ELF2: variants seen among roughly 807,000 people sequenced by gnomAD.
ELF2 encodes E74 like ETS transcription factor 2, also known as ETS-related transcription factor Elf-2.
ELF2 carries 11 observed loss-of-function variants against 54.8 expected under a neutral mutation model. The observed-to-expected ratio is 0.20, with a 90% CI of 0.13 to 0.33. The LOEUF is 0.33. Among genes scored for constraint, ELF2 ranks in the 10% least tolerant of loss-of-function variants. ELF2 has a pLI of 1.00. For missense variants in ELF2, 513 were observed against 703.0 expected (o/e 0.73, Z 3.06); for synonymous variants, 203 against 245.1 (o/e 0.83, Z 1.61).
At chr4:139,089,046 C>A (rs1484508708) in intron 4 of ELF2, among the ~76,000 whole-genome samples, 1 of 152,184 alleles carries the variant, frequency 6.6e-6, no homozygotes, top group Non-Finnish European at 1.5e-5. Flanking sequence ...CGTGAGCCGC[C>A]GTGCCTGGCC....
chr4:139,104,636 C>A (rs371103479), intron 4 of ELF2, among the ~76,000 whole-genome samples: 3 of 152,094 alleles, frequency 2.0e-5, no homozygotes, highest in African/African-American at 7.2e-5. Flanking sequence ...TGCAAACAGG[C>A]TGAGTTCTTA....
chr4:139,105,858 C>A (rs1734355176), intron 4 of ELF2, among the ~76,000 whole-genome samples: 1 of 152,184 alleles, frequency 6.6e-6, no homozygotes, highest in Non-Finnish European at 1.5e-5. Flanking sequence ...CACCACTGCA[C>A]TCCATCTTGG....
At chr4:139,132,873 T>TATATATAA (rs1235602219) in intron 3 of ELF2, among the ~76,000 whole-genome samples, 1 of 87,994 alleles carries the variant, frequency 1.1e-5, no homozygotes, top group African/African-American at 3.5e-5. Context: ...TATATATATA[T>TATATATAA]AAAATATGTA....
intron 1 of ELF2, among the ~76,000 whole-genome samples, chr4:139,147,032 C>T (rs1182373551): frequency 6.6e-6 from 1 of 152,038 alleles, no homozygotes; most frequent in Non-Finnish European, 1.5e-5. Context: ...TAAATGGGAC[C>T]TAATTAAACT....
At chr4:139,088,217 A>T (rs1386298114) in intron 4 of ELF2, among the ~76,000 whole-genome samples, 1 of 148,794 alleles carries the variant, frequency 6.7e-6, no homozygotes. Flanking sequence ...AACCCAGGAG[A>T]GGAAGGTTGC....
At chr4:139,084,468 C>CTG in intron 4 of ELF2, 1 of 1,064,920 alleles carries the variant, frequency 9.4e-7, no homozygotes, top group Non-Finnish European at 1.2e-6. Flanking sequence ...GCGGCTGTGG[C>CTG]TGTGGCGGCC....
At chr4:139,111,988 A>G (rs971273020) in intron 4 of ELF2, among the ~76,000 whole-genome samples, 6 of 152,168 alleles carry the variant, frequency 3.9e-5, no homozygotes, top group Admixed American at 3.9e-4. Context: ...TACTATTTTG[A>G]AAAAAACTAA....
chr4:139,121,264 A>T (rs989108409), intron 4 of ELF2, among the ~76,000 whole-genome samples: 4 of 150,388 alleles, frequency 2.7e-5, no homozygotes, highest in Admixed American at 2.0e-4. Flanking sequence ...GCCCGCTACC[A>T]CGCCCGGCTA....
chr4:139,139,655 T>C (rs1738513800), intron 1 of ELF2, among the ~76,000 whole-genome samples, 158 bp from the exon 2 acceptor site: 1 of 152,206 alleles, frequency 6.6e-6, no homozygotes, highest in African/African-American at 2.4e-5. Flanking sequence ...AAATTATTTC[T>C]AGGTTTTTGA....
chr4:139,161,922 A>G (rs1741209721), intron 1 of ELF2, among the ~76,000 whole-genome samples: 1 of 151,926 alleles, frequency 6.6e-6, no homozygotes, highest in Admixed American at 6.6e-5. Flanking sequence ...GTGAAACCCT[A>G]ACTCTACTAA....
At chr4:139,152,187 A>T (rs1740069162) in intron 1 of ELF2, among the ~76,000 whole-genome samples, 1 of 152,218 alleles carries the variant, frequency 6.6e-6, no homozygotes. Context: ...AAAATATAAG[A>T]GTGAATTTTA....
rs1560871603 is a variant in ELF2, at chr4:139,151,068, G to GAAAGAAAGAAAGAAAGAAAGAAAGA, written c.-251-11596_-251-11572dup. 1.2e-3 allele frequency among the ~76,000 whole-genome samples: 163 copies of GAAAGAAAGAAAGAAAGAAAGAAAGA among 134,450 alleles called. 3 individuals are homozygous for GAAAGAAAGAAAGAAAGAAAGAAAGA. The highest frequency in any genetic ancestry group is 4.8e-3 in the African/African-American group (159 of 33,190). The allele number at this position is 134,450 out of a possible 152,430, so 88.2% of individuals were successfully genotyped here. A position where few individuals can be genotyped will look rare whatever the true frequency, so the allele number is the denominator to read the frequency against. ...AGAAAGAAAGAAAGAAAGAAAGAAA[G>GAAAGAAAGAAAGAAAGAAAGAAAGA]AAAGAAAGAAAGAAAGAAAGAAAGA... On this transcript the variant is annotated intron_variant, in intron 1 of 9. Coordinates refer to ENST00000686138, the MANE Select transcript of ELF2 (RefSeq NM_001331036.3).
At chr4:139,172,816 T>G (rs76012423) in intron 1 of ELF2, among the ~76,000 whole-genome samples, 3,698 of 134,872 alleles carry the variant, frequency 0.027, 92 homozygotes, top group African/African-American at 0.065. Context: ...AAATAATATA[T>G]GGTTCAATAC....
chr4:139,140,669 G>C (rs867098126), intron 1 of ELF2, among the ~76,000 whole-genome samples: 2 of 151,620 alleles, frequency 1.3e-5, no homozygotes, highest in Middle Eastern at 6.8e-3. Context: ...TGGGAGGACC[G>C]CTTGAGCCCA....
intron 4 of ELF2, among the ~76,000 whole-genome samples, chr4:139,081,965 C>G (rs2148725523): frequency 6.6e-6 from 1 of 152,082 alleles, no homozygotes; most frequent in East Asian, 1.9e-4. Context: ...TGCAGTAGAG[C>G]TGGAAAACAG....
At chr4:139,105,766 C>A (rs181199748) in intron 4 of ELF2, among the ~76,000 whole-genome samples, 1 of 152,282 alleles carries the variant, frequency 6.6e-6, no homozygotes, top group East Asian at 1.9e-4. Context: ...GTGGCTCACA[C>A]CTGTAGTCCC....
At chr4:139,149,411 A>C (rs1246792140) in intron 1 of ELF2, among the ~76,000 whole-genome samples, 1 of 152,148 alleles carries the variant, frequency 6.6e-6, no homozygotes, top group Non-Finnish European at 1.5e-5. Flanking sequence ...GGAGTTTGAG[A>C]CCAGCCTGGC....
At chr4:139,126,868 G>A (rs1047747353) in intron 3 of ELF2, among the ~76,000 whole-genome samples, 1 of 152,006 alleles carries the variant, frequency 6.6e-6, no homozygotes, top group Non-Finnish European at 1.5e-5. Context: ...GAGAACTATT[G>A]CAAATACAGG....
rs1349664921 is a variant in ELF2, at chr4:139,119,741, TG to T, written c.238+5422del. Among the ~76,000 whole-genome samples, 4 of 152,232 alleles carry T rather than the reference TG, an allele frequency of 2.6e-5. 1 individual carries two copies. The highest frequency in any genetic ancestry group is 9.6e-5 in the African/African-American group (4 of 41,462). Reference sequence around the variant, plus strand: ...TTTTAGCATGCCATCTCTTTTGTGATGGGATCTTGACTACACATTTGTGCAT... The same window carrying T: ...TTTTAGCATGCCATCTCTTTTGTGATGGATCTTGACTACACATTTGTGCAT... On this transcript the variant is annotated intron_variant, in intron 4 of 9. Coordinates refer to ENST00000686138, the MANE Select transcript of ELF2 (RefSeq NM_001331036.3).
Sources: gnomAD v4.1 joint callset for allele counts (sites outside exome capture counted in the v4.1 genomes callset) on GRCh38, gnomAD v4.1.1 for gene constraint, MANE v1.5 for transcripts, NCBI Gene and HGNC (gene_info 2026-07-23, HGNC 2026-07-21) for gene names.